Variants in MACROD2 observed in about 807,000 individuals in gnomAD.
The protein encoded by MACROD2 is ADP-ribose glycohydrolase MACROD2.
A neutral mutation model predicts 70.4 loss-of-function variants in MACROD2; 36 were observed. The ratio of observed to expected loss-of-function variants is 0.51; its 90% CI spans 0.39 to 0.68. The LOEUF (loss-of-function observed/expected upper bound fraction) is 0.68. MACROD2 is among the 30% of genes least tolerant of loss of function. MACROD2 has a pLI of 0.00. For synonymous variants in MACROD2, 172 were observed against 178.8 expected (o/e 0.96, Z 0.30); for missense variants, 496 against 538.4 (o/e 0.92, Z 0.78).
intron 4 of MACROD2, among the ~76,000 whole-genome samples, chr20:14,626,031 G>T (rs1984131149): frequency 1.3e-5 from 2 of 152,104 alleles, no homozygotes; most frequent in South Asian, 4.1e-4. Flanking sequence ...TCACCTTGTT[G>T]ATTAGGCTGG....
chr20:15,348,259 G>A (rs965680805), intron 6 of MACROD2, among the ~76,000 whole-genome samples: 2 of 152,166 alleles, frequency 1.3e-5, no homozygotes, highest in African/African-American at 4.8e-5. Flanking sequence ...AAGAAGGAAG[G>A]TTCTGAGTCC....
At chr20:14,880,107 C>T in intron 5 of MACROD2, among the ~76,000 whole-genome samples, 1 of 152,036 alleles carries the variant, frequency 6.6e-6, no homozygotes, top group East Asian at 1.9e-4. Context: ...TGTATCATGC[C>T]CAGCTCTGAC....
At chr20:15,550,345 T>C (rs1489089173) in intron 8 of MACROD2, among the ~76,000 whole-genome samples, 1 of 137,646 alleles carries the variant, frequency 7.3e-6, no homozygotes, top group African/African-American at 2.9e-5. Context: ...AAATATTTAT[T>C]ATTCAGATAA....
chr20:14,462,133 A>G (rs1424993887), intron 3 of MACROD2, among the ~76,000 whole-genome samples: 1 of 152,030 alleles, frequency 6.6e-6, no homozygotes, highest in Non-Finnish European at 1.5e-5. Context: ...TGGTTGAACT[A>G]GTTTACAGTC....
chr20:14,924,343 G>A (rs2074202337), intron 5 of MACROD2, among the ~76,000 whole-genome samples: 1 of 151,988 alleles, frequency 6.6e-6, no homozygotes, highest in Non-Finnish European at 1.5e-5. Context: ...GAAGGATGAG[G>A]CATAAGAATT....
At chr20:14,403,308 C>CA (rs1253572315) in intron 3 of MACROD2, among the ~76,000 whole-genome samples, 1 of 152,058 alleles carries the variant, frequency 6.6e-6, no homozygotes, top group African/African-American at 2.4e-5. Flanking sequence ...ACTTTATTTA[C>CA]AAAAAATTGT....
intron 4 of MACROD2, among the ~76,000 whole-genome samples, chr20:14,542,743 C>T (rs758334981): frequency 1.3e-5 from 2 of 152,134 alleles, no homozygotes; most frequent in Non-Finnish European, 2.9e-5. Flanking sequence ...ATAGAATAGT[C>T]ATGGGAGAAT....
intron 3 of MACROD2, among the ~76,000 whole-genome samples, chr20:14,335,177 C>G (rs571544180): frequency 6.6e-6 from 1 of 152,176 alleles, no homozygotes; most frequent in East Asian, 1.9e-4. Context: ...AAAAATCTCT[C>G]TGCAGTGCAC....
chr20:14,165,490 T>C (rs1353679741), intron 3 of MACROD2, among the ~76,000 whole-genome samples: 1 of 152,182 alleles, frequency 6.6e-6, no homozygotes, highest in Admixed American at 6.5e-5. Flanking sequence ...ATTTTAAGTG[T>C]GATTAACTAC....
At chr20:14,988,135 G>T (rs1028051186) in intron 5 of MACROD2, among the ~76,000 whole-genome samples, 22 of 151,928 alleles carry the variant, frequency 1.4e-4, no homozygotes, top group Admixed American at 1.3e-3. Context: ...AGGTCGAGGC[G>T]GGCAGATCAC....
At chr20:14,785,522 G>A (rs1427651429) in intron 5 of MACROD2, among the ~76,000 whole-genome samples, 1 of 151,966 alleles carries the variant, frequency 6.6e-6, no homozygotes. Flanking sequence ...GACAACTGTG[G>A]GTAAGCTTTA....
At chr20:14,336,861 G>A (rs1402675926) in intron 3 of MACROD2, among the ~76,000 whole-genome samples, 3 of 152,196 alleles carry the variant, frequency 2.0e-5, no homozygotes, top group African/African-American at 7.2e-5. Flanking sequence ...CGATAGCAGT[G>A]CAAGCTTTAA....
At chr20:14,640,478 A>G (rs1985028965) in intron 4 of MACROD2, among the ~76,000 whole-genome samples, 3 of 152,008 alleles carry the variant, frequency 2.0e-5, no homozygotes, top group Admixed American at 2.0e-4. Context: ...CTAGTTTTCT[A>G]TCCCTGAGGA....
At chr20:14,714,976 A>G (rs1236936240) in intron 5 of MACROD2, among the ~76,000 whole-genome samples, 2 of 152,348 alleles carry the variant, frequency 1.3e-5, no homozygotes, top group East Asian at 3.8e-4. Flanking sequence ...AAACAAAATA[A>G]TATGTGGTTA....
chr20:15,328,803 T>TTACA (rs1419885678), intron 6 of MACROD2, among the ~76,000 whole-genome samples: 2 of 152,098 alleles, frequency 1.3e-5, no homozygotes, highest in Non-Finnish European at 2.9e-5. Flanking sequence ...GACATAACAA[T>TTACA]TACACTCTTA....
chr20:15,295,201 C>A (rs1220425489), intron 6 of MACROD2, among the ~76,000 whole-genome samples: 1 of 152,184 alleles, frequency 6.6e-6, no homozygotes, highest in Non-Finnish European at 1.5e-5. Context: ...TCTTCCTTCA[C>A]CTTCTGCTAT....
chr20:15,005,809 G>C (rs2075031024), intron 5 of MACROD2, among the ~76,000 whole-genome samples: 1 of 152,070 alleles, frequency 6.6e-6, no homozygotes, highest in South Asian at 2.1e-4. Flanking sequence ...GTGACTGGTT[G>C]GCTGCTTGTG....
intron 7 of MACROD2, among the ~76,000 whole-genome samples, chr20:15,460,541 C>G (rs1220819712): frequency 1.3e-5 from 2 of 152,168 alleles, no homozygotes; most frequent in African/African-American, 4.8e-5. Context: ...TGTGGGGACA[C>G]TCCTCTAGGT....
At chr20:15,100,782 A>G (rs2075866369) in intron 5 of MACROD2, among the ~76,000 whole-genome samples, 1 of 152,144 alleles carries the variant, frequency 6.6e-6, no homozygotes, top group Non-Finnish European at 1.5e-5. Context: ...ATTAGCTGGG[A>G]TGGTGTGAAT....
Sources: gnomAD v4.1 joint callset for allele counts (sites outside exome capture counted in the v4.1 genomes callset) on GRCh38, gnomAD v4.1.1 for gene constraint, MANE v1.5 for transcripts, NCBI Gene and HGNC (gene_info 2026-07-23, HGNC 2026-07-21) for gene names.